Variants in NOB1 observed in about 807,000 individuals in gnomAD.
NOB1 encodes NIN1 (RPN12) binding protein 1 homolog.
NOB1 carries 44 observed loss-of-function variants against 44.8 expected under a neutral mutation model. The ratio of observed to expected loss-of-function variants is 0.98; its 90% CI spans 0.77 to 1.26. The LOEUF is 1.26. Ranked by LOEUF, NOB1 falls within the 50% of genes most tolerant of loss-of-function variation. NOB1 has a pLI of 0.00. For missense variants in NOB1, 560 were observed against 544.8 expected, an observed-to-expected ratio of 1.03 and a Z score of -0.28; for synonymous variants, 238 against 218.7, an observed-to-expected ratio of 1.09 and a Z score of -0.78.
Position 69,749,545 on chromosome 16 carries a change from G to T in NOB1, c.399+14C>A, listed in dbSNP as rs915646734. 2.5e-6 allele frequency: 4 copies of T among 1,609,272 alleles called. No individual in the cohort carries two copies. The African/African-American group carries it at 4.0e-5, about 16-fold the overall frequency. ...GAAAAGAGCATGAACGGCCTGGCTT[G>T]TCTAAGAAATTACCTTGTAGGGCAG... On this transcript the variant is annotated intron_variant, in intron 4 of 8. Transcript: ENST00000268802.
rs1281506943 is a variant in NOB1 at position 69,754,593 on chromosome 16, C to A, written c.196+1G>T. ...GTCAACGCTAGGGCAGAGGCACTCA[C>A]CCAGCCGCACGTATTCCGGTAAGGG... is the stretch of plus-strand genomic sequence containing the variant. On this transcript the variant is annotated splice_donor_variant, in intron 2 of 8. Transcript: ENST00000268802. LOFTEE classifies it high-confidence loss of function. The A allele has an allele frequency of 6.2e-7, 1 of 1,614,010 alleles. No homozygotes were observed. Among genetic ancestry groups the A allele is most frequent in the East Asian group, 2.2e-5 (1 of 44,886 alleles).
chr16:69,754,672 T>G lies in NOB1; in HGVS notation c.118A>C (p.Lys40Gln). Reference sequence around the variant, plus strand: ...ACAGCGAGCCGCCTGCGTGTGGCCTTGTCCCGAATCTCAGTGACCACCTCC... The same window carrying G: ...ACAGCGAGCCGCCTGCGTGTGGCCTGGTCCCGAATCTCAGTGACCACCTCC... Reference protein sequence around the residue: ...IREVVTEIRDKATRRRLAVLP... With the variant: ...IREVVTEIRDQATRRRLAVLP... Residue 40 changes from lysine (K) to glutamine (Q), a missense_variant, in exon 2 of 9, where the codon AAG (lysine) becomes CAG (glutamine). Physicochemically the swap from Lys to Gln is moderately conservative, Grantham distance 53 (BLOSUM62 1). Transcript: ENST00000268802. 1 of 1,614,200 alleles carries G rather than the reference T, an allele frequency of 6.2e-7. No homozygotes were observed. Among genetic ancestry groups the G allele is most frequent in the Non-Finnish European group, 8.5e-7 (1 of 1,180,040 alleles).
At chr16:69,753,868 A>G (rs1482354670) in intron 2 of NOB1, among the ~76,000 whole-genome samples, 4 of 152,076 alleles carry the variant, frequency 2.6e-5, no homozygotes, top group Non-Finnish European at 5.9e-5. Context: ...GTGCAGTGGT[A>G]CGATCTCGGC....
chr16:69,742,956 C>T (rs890672911), intron 8 of NOB1, among the ~76,000 whole-genome samples: 2 of 152,080 alleles, frequency 1.3e-5, no homozygotes, highest in Non-Finnish European at 2.9e-5. Flanking sequence ...ACAGACACAC[C>T]CAGTCCCCAG....
In NOB1 at chr16:69,742,518, G is replaced by C. The variant is rs756646596; in HGVS notation, c.1053C>G (p.Leu351=). 4 of 1,614,216 alleles carry C rather than the reference G, an allele frequency of 2.5e-6. No homozygotes were observed. The highest frequency in any genetic ancestry group is 3.4e-6 in the Non-Finnish European group (4 of 1,180,034). The stretch of plus-strand genomic sequence containing the variant: ...TGGTTTTCTGCCTGGCCTTTTGGGA[G>C]AGTCGCAGCTGAGGGAAGCGCTGAT... ...TEDQRFPQLR[L]SQKARQKTNV... is the part of the protein sequence containing the mutation. Residue 351 remains leucine, a synonymous_variant, in exon 9 of 9, where the codon CTC becomes CTG. Coordinates refer to ENST00000268802, the MANE Select transcript of NOB1 (RefSeq NM_014062.3).
intron 8 of NOB1, 117 bp from the exon 9 acceptor site, chr16:69,742,718 G>T: frequency 9.6e-7 from 1 of 1,036,662 alleles, no homozygotes; most frequent in South Asian, 1.5e-5. Flanking sequence ...GACAGCGGGT[G>T]GTAATTGACT....
chr16:69,752,496 A>G, intron 2 of NOB1, 125 bp from the exon 3 acceptor site: 1 of 985,932 alleles, frequency 1.0e-6, no homozygotes, highest in South Asian at 1.7e-5. Flanking sequence ...CAATTTAGAA[A>G]GGATCACTAT....
At chr16:69,753,737 G>A (rs1334434429) in intron 2 of NOB1, among the ~76,000 whole-genome samples, 1 of 152,108 alleles carries the variant, frequency 6.6e-6, no homozygotes, top group Admixed American at 6.5e-5. Flanking sequence ...GCCTTTCCTG[G>A]GTATCACCTT....
chr16:69,742,056 A>T lies in NOB1; in HGVS notation c.*276T>A, dbSNP rs749644603. ...TATTAGAAAAATATTATCCTTTGGA[A>T]ATTCCTTTCTTGAAGATTGGCTCCA... On this transcript the variant is annotated 3_prime_UTR_variant, in exon 9 of 9. Coordinates refer to ENST00000268802, the MANE Select transcript of NOB1 (RefSeq NM_014062.3). The T allele has an allele frequency of 3.3e-4, 128 of 393,534 alleles. No individual in the cohort carries two copies. The highest frequency in any genetic ancestry group is 4.8e-4 in the Non-Finnish European group (104 of 218,442). 24.4% of individuals were successfully genotyped at this position (393,534 alleles called of 1,614,324 possible).
chr16:69,745,885 C>T (rs775867135), intron 7 of NOB1, among the ~76,000 whole-genome samples: 35 of 152,190 alleles, frequency 2.3e-4, no homozygotes, highest in Non-Finnish European at 4.6e-4. Flanking sequence ...TGTGCAGTCA[C>T]GGGGCTAATC....
intron 2 of NOB1, 83 bp from the exon 3 acceptor site, chr16:69,752,454 T>C: frequency 1.5e-6 from 2 of 1,378,564 alleles, no homozygotes; most frequent in South Asian, 1.3e-5. Flanking sequence ...CAAAACAATT[T>C]AGAACAGATC....
intron 7 of NOB1, among the ~76,000 whole-genome samples, chr16:69,745,344 A>C (rs548526175): frequency 1.3e-5 from 2 of 152,136 alleles, no homozygotes; most frequent in Non-Finnish European, 2.9e-5. Context: ...CACCGTCTCC[A>C]TTTTACAGAT....
intron 3 of NOB1, among the ~76,000 whole-genome samples, chr16:69,750,781 A>T (rs1395551859): frequency 6.6e-6 from 1 of 152,204 alleles, no homozygotes; most frequent in Non-Finnish European, 1.5e-5. Flanking sequence ...TCTTAAAAAA[A>T]TTTGAGGGTA....
intron 7 of NOB1, among the ~76,000 whole-genome samples, chr16:69,745,532 C>T (rs190102787): frequency 1.1e-4 from 16 of 152,318 alleles, no homozygotes; most frequent in East Asian, 7.7e-4. Flanking sequence ...GGTGTTAACT[C>T]GGGAGCAGCT....
chr16:69,754,558 C>G, intron 2 of NOB1, 36 bp downstream of exon 2: 3 of 1,610,548 alleles, frequency 1.9e-6, no homozygotes, highest in Non-Finnish European at 2.5e-6. Context: ...GCCCTGGACC[C>G]CAGCTTCCCG....
chr16:69,747,066 C>CA (rs1243296553), intron 7 of NOB1, among the ~76,000 whole-genome samples: 1 of 150,752 alleles, frequency 6.6e-6, no homozygotes, highest in Non-Finnish European at 1.5e-5. Context: ...ACTAAAAATA[C>CA]AAAAAATTAG....
chr16:69,742,122 G>C lies in NOB1; in HGVS notation c.*210C>G. ...TGTTTTTATGCAATTGCACTTCCTT[G>C]GCAGGCAGCCAGGCGCTCCGGTGCT... On this transcript the variant is annotated 3_prime_UTR_variant, in exon 9 of 9. Transcript: ENST00000268802. 1.9e-6 allele frequency: 1 copy of C among 534,700 alleles called. No homozygotes were observed. The highest frequency in any genetic ancestry group is 3.3e-6 in the Non-Finnish European group (1 of 305,290). The allele number at this position is 534,700 out of a possible 1,614,324, so 33.1% of individuals were successfully genotyped here. A position where few individuals can be genotyped will look rare whatever the true frequency, so the allele number is the denominator to read the frequency against.
intron 2 of NOB1, 33 bp from the exon 3 acceptor site, chr16:69,752,404 G>C: frequency 6.3e-7 from 1 of 1,596,262 alleles, no homozygotes. Flanking sequence ...TTCAGTTAGA[G>C]GTAAAAAGCC....
At chr16:69,750,310 C>G (rs908699008) in intron 3 of NOB1, among the ~76,000 whole-genome samples, 13 of 151,818 alleles carry the variant, frequency 8.6e-5, no homozygotes, top group African/African-American at 3.1e-4. Flanking sequence ...TGGCTGACAT[C>G]CAGTGTTTTA....
Sources: gnomAD v4.1 joint callset for allele counts (sites outside exome capture counted in the v4.1 genomes callset) on GRCh38, gnomAD v4.1.1 for gene constraint, MANE v1.5 for transcripts, NCBI Gene and HGNC (gene_info 2026-07-23, HGNC 2026-07-21) for gene names.